The following DHDDS variants were observed in gnomAD, a reference collection of about 807,000 sequenced individuals.
DHDDS encodes dehydrodolichyl diphosphate synthase complex subunit DHDDS.
In DHDDS, 16 loss-of-function variants were observed where a neutral mutation model predicts 46.2. The observed-to-expected ratio is 0.35, with a 90% CI of 0.23 to 0.53. The LOEUF (loss-of-function observed/expected upper bound fraction) is 0.53, where lower values mean the gene tolerates loss of function less well. Among genes scored for constraint, DHDDS ranks in the 20% least tolerant of loss-of-function variants. The probability of loss-of-function intolerance (pLI) is 0.94; values close to 1 mark genes in which losing one functional copy is unlikely to be tolerated. For synonymous variants in DHDDS, 151 were observed against 163.1 expected, an observed-to-expected ratio of 0.93 and a Z score of 0.56; for missense variants, 340 against 423.7, an observed-to-expected ratio of 0.80 and a Z score of 1.73.
intron 2 of DHDDS, among the ~76,000 whole-genome samples, chr1:26,436,582 C>T (rs1252658434): frequency 6.6e-6 from 1 of 151,828 alleles, no homozygotes; most frequent in Non-Finnish European, 1.5e-5. Context: ...CACCACCACG[C>T]CCGGCTAACT....
chr1:26,457,228 G>A (rs896269603), intron 6 of DHDDS, among the ~76,000 whole-genome samples: 2 of 151,672 alleles, frequency 1.3e-5, no homozygotes, highest in East Asian at 1.9e-4. Flanking sequence ...AGAGGCCGAG[G>A]GGGGGGCGGA....
intron 1 of DHDDS, 53 bp from the exon 2 acceptor site, chr1:26,432,838 A>T: frequency 8.6e-7 from 1 of 1,161,800 alleles, no homozygotes; most frequent in Non-Finnish European, 1.3e-6. Flanking sequence ...GAAGTCAGTT[A>T]TAGCTCTTCG....
At chr1:26,439,157 C>G (rs1557434963) in intron 3 of DHDDS, among the ~76,000 whole-genome samples, 2 of 152,132 alleles carry the variant, frequency 1.3e-5, no homozygotes, top group Non-Finnish European at 2.9e-5. Flanking sequence ...TCTCGAACTC[C>G]TGACCTCAGG....
At chr1:26,437,938 A>G (rs947211397) in intron 2 of DHDDS, among the ~76,000 whole-genome samples, 13 of 152,188 alleles carry the variant, frequency 8.5e-5, no homozygotes, top group Admixed American at 7.2e-4. Flanking sequence ...CTGTGATCAT[A>G]CCATTGCATT....
At chr1:26,444,440 C>A (rs1002950109) in intron 4 of DHDDS, among the ~76,000 whole-genome samples, 1 of 152,110 alleles carries the variant, frequency 6.6e-6, no homozygotes, top group Non-Finnish European at 1.5e-5. Flanking sequence ...GGAAACTAAA[C>A]CCTAGTAAAG....
At chr1:26,457,454 T>C (rs937651470) in intron 6 of DHDDS, among the ~76,000 whole-genome samples, 2 of 151,004 alleles carry the variant, frequency 1.3e-5, no homozygotes, top group Non-Finnish European at 2.9e-5. Flanking sequence ...TGGGGAACAG[T>C]GTGAGACTCT....
At position 26,468,958 on chromosome 1, in the gene DHDDS, G is replaced by C; in HGVS notation, c.829G>C (p.Val277Leu). Reference sequence around the variant, plus strand: ...GCAGCTGGAGAGGGACCAGGCTACAGTGACAGAGCAGCTGCTGCGAGAGGG... The same window carrying C: ...GCAGCTGGAGAGGGACCAGGCTACACTGACAGAGCAGCTGCTGCGAGAGGG... Reference protein sequence around the residue: ...RQQLERDQATVTEQLLREGLQ... With the variant: ...RQQLERDQATLTEQLLREGLQ... Residue 277 changes from valine to leucine, a missense_variant, in exon 9 of 9, where the codon GTG (valine) becomes CTG (leucine). By Grantham distance (32) the Val-to-Leu change is conservative (BLOSUM62 1). Around this residue, in one of 2 missense-constraint regions of DHDDS, gnomAD observed 268 missense variants for 300.3 expected, o/e 0.89. Coordinates refer to ENST00000236342, the MANE Select transcript of DHDDS (RefSeq NM_205861.3). 1 of 1,614,188 alleles carries C rather than the reference G, an allele frequency of 6.2e-7. No individual in the cohort carries two copies. The highest frequency in any genetic ancestry group is 8.5e-7 in the Non-Finnish European group (1 of 1,180,048).
chr1:26,442,895 G>C, intron 4 of DHDDS, 22 bp downstream of exon 4: 1 of 1,613,750 alleles, frequency 6.2e-7, no homozygotes, highest in Non-Finnish European at 8.5e-7. Context: ...TCAGAGGGGA[G>C]AGCATGTTCT....
At chr1:26,460,620 T>C (rs1383383683) in intron 8 of DHDDS, among the ~76,000 whole-genome samples, 1 of 152,238 alleles carries the variant, frequency 6.6e-6, no homozygotes, top group Non-Finnish European at 1.5e-5. Context: ...GACTTGAAGT[T>C]TGACTTTCAG....
chr1:26,443,314 AG>A (rs971857189), intron 4 of DHDDS, among the ~76,000 whole-genome samples: 2 of 152,210 alleles, frequency 1.3e-5, no homozygotes, highest in Non-Finnish European at 2.9e-5. Flanking sequence ...ACTATGGCCA[AG>A]GAAGTGGAGT....
chr1:26,457,721 CA>C, intron 6 of DHDDS, 69 bp from the exon 7 acceptor site: 1 of 1,220,060 alleles, frequency 8.2e-7, no homozygotes, highest in Non-Finnish European at 1.2e-6. Flanking sequence ...GGAAGTTCAC[CA>C]TGAGAACACT....
Position 26,453,071 on chromosome 1 carries a change from AAC to A in DHDDS, c.543-4718_543-4717del, listed in dbSNP as rs1358021936. 4.0e-5 allele frequency among the ~76,000 whole-genome samples: 6 copies of A among 151,804 alleles called. No homozygotes were observed. In the South Asian group the frequency reaches 1.0e-3, roughly 26 times the overall value. ...TGCGCCATTGCTCTCTAGCCTGAAC[AAC>A]AGAGTGAAACCCTGTCTGAAACACA... On this transcript the variant is annotated intron_variant, in intron 6 of 8. Coordinates refer to ENST00000236342, the MANE Select transcript of DHDDS (RefSeq NM_205861.3).
At chr1:26,439,094 A>G (rs9438625) in intron 3 of DHDDS, among the ~76,000 whole-genome samples, 109,829 of 151,720 alleles carry the variant, frequency 0.72, 39,963 homozygotes, top group East Asian at 0.86. Flanking sequence ...ATGTCCAACT[A>G]ATTTTTTTGT....
chr1:26,435,664 C>T (rs967606808), intron 2 of DHDDS, among the ~76,000 whole-genome samples: 2 of 149,720 alleles, frequency 1.3e-5, no homozygotes, highest in Admixed American at 6.7e-5. Context: ...GCCCAGGCTG[C>T]AGTGTGGTGG....
At chr1:26,453,124 TCAC>T (rs1429386770) in intron 6 of DHDDS, among the ~76,000 whole-genome samples, 1 of 145,386 alleles carries the variant, frequency 6.9e-6, no homozygotes, top group Non-Finnish European at 1.5e-5. Context: ...ACACACACAC[TCAC>T]TTTTGACATA....
Position 26,442,780 on chromosome 1 carries a change from C to T in DHDDS, c.230C>T (p.Ala77Val), listed in dbSNP as rs745986577. ...GGCATCCTAGAGGTGACAGTCTACGCATTCAGCATTGAGAACTTCAAACGC... is the reference window on the plus strand; with the variant it reads ...GGCATCCTAGAGGTGACAGTCTACGTATTCAGCATTGAGAACTTCAAACGC... ...NLGILEVTVYAFSIENFKRSK... is the reference protein window; with the variant it reads ...NLGILEVTVYVFSIENFKRSK... The change falls in exon 4 of 9, where the codon GCA becomes GTA. Residue 77 changes from alanine (A) to valine (V), a missense_variant. Around this residue, in one of 2 missense-constraint regions of DHDDS, gnomAD observed 72 missense variants for 123.5 expected, o/e 0.58. Transcript: ENST00000236342. 6.2e-7 allele frequency: 1 copy of T among 1,614,200 alleles called. No homozygotes were observed. Among genetic ancestry groups the T allele is most frequent in the Non-Finnish European group, 8.5e-7 (1 of 1,180,032 alleles).
chr1:26,457,089 C>T (rs2075376391), intron 6 of DHDDS, among the ~76,000 whole-genome samples: 1 of 152,092 alleles, frequency 6.6e-6, no homozygotes, highest in African/African-American at 2.4e-5. Flanking sequence ...GGTTTTAGGC[C>T]TGAGGCTAAA....
rs1357501347 is a variant in DHDDS, at chr1:26,471,254, ATTC to A, written c.*2126_*2128del. The A allele has an allele frequency of 2.0e-5, 3 of 152,310 alleles. No homozygotes were observed. Among genetic ancestry groups the A allele is most frequent in the East Asian group, 1.9e-4 (1 of 5,186 alleles). 9.4% of individuals were successfully genotyped at this position (152,310 alleles called of 1,614,324 possible). ...GCCCCCATTTGAGGACATCTATCGT[ATTC>A]TTGTGTGCTGGGTCTCAAATAGAAT... On this transcript the variant is annotated 3_prime_UTR_variant, in exon 9 of 9. Coordinates refer to ENST00000236342, the MANE Select transcript of DHDDS (RefSeq NM_205861.3).
intron 8 of DHDDS, 84 bp from the exon 9 acceptor site, chr1:26,468,811 G>GCCCCCCCCCCCCCCCCCCCCC: frequency 4.7e-6 from 3 of 637,984 alleles, no homozygotes; most frequent in Non-Finnish European, 7.8e-6. Context: ...CCCACCCTGT[G>GCCCCCCCCCCCCCCCCCCCCC]CCCCACCCCC....
Sources: allele counts gnomAD v4.1 joint callset (sites outside exome capture counted in the v4.1 genomes callset), GRCh38; gene constraint gnomAD v4.1.1; regional missense constraint gnomAD v4.1.1; transcripts MANE v1.5; gene names NCBI Gene and HGNC (gene_info 2026-07-23, HGNC 2026-07-21).